Variants in CHST9 observed in about 807,000 individuals in gnomAD.
CHST9 encodes GalNAc-4-sulfotransferase 2.
In CHST9, 41 loss-of-function variants were observed where a neutral mutation model predicts 44.4. The observed-to-expected ratio is 0.92, with a 90% CI of 0.72 to 1.20. The LOEUF (loss-of-function observed/expected upper bound fraction) is 1.20, where lower values mean the gene tolerates loss of function less well. Among genes scored for constraint, CHST9 ranks in the 50% most tolerant of loss-of-function variants. CHST9 has a pLI of 0.00. For synonymous variants in CHST9, 171 were observed against 178.4 expected (o/e 0.96, Z 0.33); for missense variants, 504 against 516.5 (o/e 0.98, Z 0.23).
intron 5 of CHST9, chr18:26,935,955 T>A (rs1455623847): frequency 6.6e-6 from 1 of 152,202 alleles, no homozygotes; most frequent in East Asian, 1.9e-4. Context: ...ATAAAAGGAA[T>A]GCCTAGTGAC....
chr18:26,911,227 A>G lies in CHST9; in HGVS notation c.*5032T>C, dbSNP rs991783538. 1 of 152,238 alleles carries G rather than the reference A, an allele frequency of 6.6e-6. No homozygotes were observed. Among genetic ancestry groups the G allele is most frequent in the Non-Finnish European group, 1.5e-5 (1 of 68,044 alleles). 9.4% of individuals were successfully genotyped at this position (152,238 alleles called of 1,614,324 possible). On this transcript the variant is annotated 3_prime_UTR_variant, in exon 6 of 6. Transcript: ENST00000618847. Reference sequence around the variant, plus strand: ...AGCATCAAAAGCATCTGTTAAAGTAACGCTTTCCACTGAGTGCCTTGCTAG... The same window carrying G: ...AGCATCAAAAGCATCTGTTAAAGTAGCGCTTTCCACTGAGTGCCTTGCTAG...
At chr18:26,935,084 T>A (rs1352349739) in intron 5 of CHST9, 1 of 152,244 alleles carries the variant, frequency 6.6e-6, no homozygotes, top group Non-Finnish European at 1.5e-5. Flanking sequence ...TAAAAGCATA[T>A]ATCACTGGCA....
intron 4 of CHST9, among the ~76,000 whole-genome samples, chr18:26,944,567 C>T (rs1282846036): frequency 6.6e-6 from 1 of 150,778 alleles, no homozygotes; most frequent in African/African-American, 2.5e-5. Context: ...CTGTGTTAGG[C>T]AAAGATAACA....
At chr18:26,971,178 C>T (rs1467839568) in intron 4 of CHST9, among the ~76,000 whole-genome samples, 1 of 151,874 alleles carries the variant, frequency 6.6e-6, no homozygotes, top group Non-Finnish European at 1.5e-5. Context: ...TGGCTTATTC[C>T]TCTGGGGCCC....
At chr18:27,120,476 ACT>A (rs1202300247) in intron 2 of CHST9, among the ~76,000 whole-genome samples, 16 of 152,064 alleles carry the variant, frequency 1.1e-4, no homozygotes, top group Admixed American at 1.0e-3. Context: ...GAGCCTAATT[ACT>A]CATCAGAATA....
intron 5 of CHST9, chr18:26,933,561 A>G (rs557654986): frequency 6.5e-6 from 1 of 153,812 alleles, no homozygotes; most frequent in Admixed American, 6.5e-5. Context: ...TCCCCTTGAA[A>G]TGTTCATTCC....
At chr18:26,963,223 T>C (rs1312484874) in intron 4 of CHST9, among the ~76,000 whole-genome samples, 3 of 152,166 alleles carry the variant, frequency 2.0e-5, no homozygotes, top group South Asian at 2.1e-4. Flanking sequence ...TGTCTTCTAT[T>C]AAACATTTGA....
intron 5 of CHST9, among the ~76,000 whole-genome samples, chr18:26,927,829 C>G (rs1568095114): frequency 2.0e-5 from 3 of 152,090 alleles, no homozygotes; most frequent in African/African-American, 4.8e-5. Context: ...TTATGGGTGT[C>G]AGGCTGGGGG....
At chr18:27,037,211 A>C (rs950918554) in intron 3 of CHST9, among the ~76,000 whole-genome samples, 2 of 152,192 alleles carry the variant, frequency 1.3e-5, no homozygotes, top group Non-Finnish European at 2.9e-5. Context: ...GTGGTCCCTC[A>C]TATCTGCCAT....
At chr18:27,156,331 T>A (rs1199611589) in intron 1 of CHST9, among the ~76,000 whole-genome samples, 1 of 152,200 alleles carries the variant, frequency 6.6e-6, no homozygotes, top group Admixed American at 6.5e-5. Context: ...GAAGTGTATG[T>A]GAGATATACC....
At chr18:27,026,925 C>T (rs1244730685) in intron 3 of CHST9, among the ~76,000 whole-genome samples, 1 of 152,174 alleles carries the variant, frequency 6.6e-6, no homozygotes, top group Non-Finnish European at 1.5e-5. Context: ...TTATTCTGAT[C>T]ATCGTTTTTT....
At chr18:27,114,799 C>A (rs1163295396) in intron 2 of CHST9, among the ~76,000 whole-genome samples, 1 of 152,174 alleles carries the variant, frequency 6.6e-6, no homozygotes, top group Non-Finnish European at 1.5e-5. Context: ...GGCTGAATAT[C>A]ATTCCCACTG....
intron 2 of CHST9, among the ~76,000 whole-genome samples, chr18:27,131,275 C>T (rs1484965015): frequency 2.6e-5 from 4 of 152,058 alleles, no homozygotes; most frequent in Non-Finnish European, 4.4e-5. Context: ...CCTGGCCAAG[C>T]GTGGTGGCGC....
intron 2 of CHST9, among the ~76,000 whole-genome samples, chr18:27,133,675 G>A (rs1433675008): frequency 6.6e-6 from 1 of 152,184 alleles, no homozygotes; most frequent in Non-Finnish European, 1.5e-5. Context: ...ATTGAGATCA[G>A]TGCCATGAAG....
At chr18:27,141,624 G>T (rs1483132069) in intron 2 of CHST9, among the ~76,000 whole-genome samples, 1 of 140,114 alleles carries the variant, frequency 7.1e-6, no homozygotes, top group Admixed American at 7.1e-5. Context: ...AAAGTAGGAG[G>T]ATAAACCAAA....
intron 2 of CHST9, among the ~76,000 whole-genome samples, chr18:27,135,803 T>C (rs2058508973): frequency 6.6e-6 from 1 of 152,034 alleles, no homozygotes; most frequent in South Asian, 2.1e-4. Context: ...TCTAACTGCT[T>C]TTCTCACTTC....
intron 4 of CHST9, among the ~76,000 whole-genome samples, 184 bp downstream of exon 4, chr18:27,023,932 T>G (rs2057254093): frequency 6.6e-6 from 1 of 152,182 alleles, no homozygotes; most frequent in Non-Finnish European, 1.5e-5. Flanking sequence ...TGCTTGCTTT[T>G]TCTCCCCACC....
At chr18:26,958,524 C>G (rs1378633010) in intron 4 of CHST9, among the ~76,000 whole-genome samples, 1 of 149,790 alleles carries the variant, frequency 6.7e-6, no homozygotes, top group African/African-American at 2.5e-5. Context: ...CTTCAAGAAA[C>G]CATCAACAAA....
chr18:26,914,753 T>C lies in CHST9; in HGVS notation c.*1506A>G. On this transcript the variant is annotated 3_prime_UTR_variant, in exon 6 of 6. Coordinates refer to ENST00000618847, the MANE Select transcript of CHST9 (RefSeq NM_031422.6). ...AAAATGAAATAAGTATGACTGCAAC[T>C]ATCTTGGTCTATTAACATTCAACTA... 2.5e-6 allele frequency: 1 copy of C among 393,326 alleles called. No individual in the cohort carries two copies. The allele number at this position is 393,326 out of a possible 1,614,324, so 24.4% of individuals were successfully genotyped here. A position where few individuals can be genotyped will look rare whatever the true frequency, so the allele number is the denominator to read the frequency against.
Sources: allele counts gnomAD v4.1 joint callset (sites outside exome capture counted in the v4.1 genomes callset), GRCh38; gene constraint gnomAD v4.1.1; transcripts MANE v1.5; gene names NCBI Gene and HGNC (gene_info 2026-07-23, HGNC 2026-07-21).